OLA1: variants seen among roughly 807,000 people sequenced by gnomAD.
OLA1 encodes obg-like ATPase 1.
In OLA1, 14 loss-of-function variants were observed where a neutral mutation model predicts 48.4. The observed-to-expected ratio is 0.29, with a 90% CI of 0.19 to 0.45. The LOEUF (loss-of-function observed/expected upper bound fraction) is 0.45, where lower values mean the gene tolerates loss of function less well. Ranked by LOEUF, OLA1 falls within the 20% of genes least tolerant of loss-of-function variation. The pLI, the probability that OLA1 is intolerant of heterozygous loss-of-function variation, is 1.00. For missense variants in OLA1, 325 were observed against 467.1 expected, an observed-to-expected ratio of 0.70 and a Z score of 2.80; for synonymous variants, 127 against 150.4, an observed-to-expected ratio of 0.84 and a Z score of 1.14.
At chr2:174,083,341 T>C (rs1684898944) in intron 7 of OLA1, among the ~76,000 whole-genome samples, 2 of 152,070 alleles carry the variant, frequency 1.3e-5, no homozygotes, top group Admixed American at 6.6e-5. Context: ...AAATTAAGAC[T>C]ATGGCCCATT....
intron 7 of OLA1, among the ~76,000 whole-genome samples, chr2:174,109,333 T>C (rs929112067): frequency 1.1e-4 from 16 of 152,166 alleles, no homozygotes; most frequent in African/African-American, 3.4e-4. Context: ...GTCCAAGATA[T>C]AGCAAGTTGT....
intron 4 of OLA1, among the ~76,000 whole-genome samples, chr2:174,205,822 T>G (rs1214891230): frequency 5.9e-5 from 9 of 152,160 alleles, no homozygotes; most frequent in African/African-American, 1.9e-4. Context: ...CTGGGGATTC[T>G]GAGGGGAAGC....
intron 4 of OLA1, among the ~76,000 whole-genome samples, chr2:174,211,631 A>T (rs1688246084): frequency 6.6e-6 from 1 of 152,210 alleles, no homozygotes; most frequent in Admixed American, 6.5e-5. Flanking sequence ...TCTAAAATGA[A>T]AAATAAAAAT....
chr2:174,166,938 C>T (rs1360500367), intron 4 of OLA1, among the ~76,000 whole-genome samples: 3 of 152,052 alleles, frequency 2.0e-5, no homozygotes, highest in Admixed American at 1.3e-4. Flanking sequence ...CTATAACCCC[C>T]GTTTAGTTAA....
At chr2:174,118,229 C>T (rs947843236) in intron 7 of OLA1, among the ~76,000 whole-genome samples, 13 of 152,160 alleles carry the variant, frequency 8.5e-5, no homozygotes, top group Admixed American at 2.0e-4. Flanking sequence ...AATTATAATT[C>T]AACATGAGAT....
intron 2 of OLA1, among the ~76,000 whole-genome samples, chr2:174,236,863 C>A (rs1033044717): frequency 6.6e-6 from 1 of 152,140 alleles, no homozygotes; most frequent in African/African-American, 2.4e-5. Context: ...GTGGAGCTTG[C>A]AGGCCTGGAA....
intron 7 of OLA1, among the ~76,000 whole-genome samples, chr2:174,122,946 G>A (rs1207866673): frequency 6.6e-6 from 1 of 152,044 alleles, no homozygotes; most frequent in Non-Finnish European, 1.5e-5. Context: ...ATAAGTAAAT[G>A]TATATAATTC....
chr2:174,123,508 G>A, intron 6 of OLA1, 87 bp downstream of exon 6: 1 of 787,350 alleles, frequency 1.3e-6, no homozygotes, highest in Non-Finnish European at 2.0e-6. Context: ...AGATATAATG[G>A]TAAGTGTAAA....
intron 4 of OLA1, among the ~76,000 whole-genome samples, chr2:174,180,171 T>TA (rs555153080): frequency 5.9e-5 from 9 of 152,190 alleles, no homozygotes; most frequent in African/African-American, 1.2e-4. Flanking sequence ...CAATGAAGGT[T>TA]AAAAAAATCT....
Position 174,223,073 on chromosome 2 carries a change from T to C in OLA1, c.333A>G (p.Leu111=), listed in dbSNP as rs1559013354. The change falls in exon 4 of 11, where the codon TTA becomes TTG. Residue 111 remains leucine (L), a synonymous_variant. Transcript: ENST00000284719. ...HNGQGLGNAF[L]SHISACDGIF... is the part of the protein sequence containing the mutation. ...TGCCATCACAGGCACTAATATGAGA[T>C]AAAAAAGCATTCCCCAGGCCCTGCC... 11 of 1,613,736 alleles carry C rather than the reference T, an allele frequency of 6.8e-6. No individual in the cohort carries two copies. Among genetic ancestry groups the C allele is most frequent in the Non-Finnish European group, 9.3e-6 (11 of 1,179,774 alleles).
chr2:174,205,779 C>T (rs1268355351), intron 4 of OLA1, among the ~76,000 whole-genome samples: 1 of 152,102 alleles, frequency 6.6e-6, no homozygotes, highest in Non-Finnish European at 1.5e-5. Context: ...ACACCATGGC[C>T]CTGAATAAAC....
intron 4 of OLA1, among the ~76,000 whole-genome samples, chr2:174,197,331 T>C (rs1484813087): frequency 1.5e-5 from 2 of 137,358 alleles, no homozygotes. Flanking sequence ...CAGATGGCAG[T>C]GTCCAGAATG....
intron 5 of OLA1, among the ~76,000 whole-genome samples, chr2:174,128,666 A>G (rs10203430): frequency 0.52 from 78,942 of 150,690 alleles, 21,255 homozygotes; most frequent in East Asian, 0.95. Flanking sequence ...GAACCCGGGA[A>G]GTGGAGGTTG....
chr2:174,151,001 C>T (rs1163580032), intron 4 of OLA1, among the ~76,000 whole-genome samples: 1 of 152,126 alleles, frequency 6.6e-6, no homozygotes, highest in African/African-American at 2.4e-5. Flanking sequence ...ACAAAGCTTA[C>T]TGGAGAGTTG....
intron 4 of OLA1, among the ~76,000 whole-genome samples, chr2:174,193,135 G>T (rs1301555307): frequency 6.7e-6 from 1 of 150,108 alleles, no homozygotes; most frequent in African/African-American, 2.5e-5. Flanking sequence ...TGTTGCCCAG[G>T]CTGGAGTGCA....
chr2:174,078,878 T>A, intron 10 of OLA1, 90 bp downstream of exon 10: 1 of 1,356,318 alleles, frequency 7.4e-7, no homozygotes, highest in South Asian at 1.4e-5. Context: ...CTACACTCAG[T>A]TTAAAAGATA....
At chr2:174,130,382 T>A (rs973951245) in intron 5 of OLA1, among the ~76,000 whole-genome samples, 5 of 152,134 alleles carry the variant, frequency 3.3e-5, no homozygotes, top group African/African-American at 1.2e-4. Flanking sequence ...CCCCAAGAAT[T>A]AACACAATAG....
At chr2:174,229,238 T>C in intron 3 of OLA1, 70 bp downstream of exon 3, 1 of 1,438,896 alleles carries the variant, frequency 6.9e-7, no homozygotes, top group South Asian at 1.2e-5. Context: ...GAAAAACTCT[T>C]CTATATGACT....
chr2:174,122,094 T>C (rs780390224), intron 7 of OLA1, among the ~76,000 whole-genome samples: 3 of 152,218 alleles, frequency 2.0e-5, no homozygotes, highest in African/African-American at 7.2e-5. Flanking sequence ...AATTACCTGA[T>C]GGAGGATACT....
Sources: allele counts gnomAD v4.1 joint callset (sites outside exome capture counted in the v4.1 genomes callset), GRCh38; gene constraint gnomAD v4.1.1; transcripts MANE v1.5; gene names NCBI Gene and HGNC (gene_info 2026-07-23, HGNC 2026-07-21).